SAMD7: variants seen among roughly 807,000 people sequenced by gnomAD.
The protein encoded by SAMD7 is sterile alpha motif domain containing 7, also known as sterile alpha motif domain-containing protein 7.
A neutral mutation model predicts 36.7 loss-of-function variants in SAMD7; 34 were observed. The observed-to-expected ratio is 0.93, with a 90% CI of 0.71 to 1.23. The LOEUF (loss-of-function observed/expected upper bound fraction) is 1.23, where lower values mean the gene tolerates loss of function less well. Ranked by LOEUF, SAMD7 falls within the 50% of genes most tolerant of loss-of-function variation. The pLI is 0.00. For missense variants in SAMD7, 570 were observed against 546.6 expected, an observed-to-expected ratio of 1.04 and a Z score of -0.43; for synonymous variants, 188 against 189.7, an observed-to-expected ratio of 0.99 and a Z score of 0.07.
intron 7 of SAMD7, chr3:169,932,980 T>G (rs1576837993): frequency 1.4e-6 from 1 of 713,430 alleles, no homozygotes; most frequent in South Asian, 1.4e-5. Flanking sequence ...GAAGCATTCT[T>G]TCCCCCCCTC....
At chr3:169,935,392 G>A (rs960108661) in intron 7 of SAMD7, among the ~76,000 whole-genome samples, 2 of 152,172 alleles carry the variant, frequency 1.3e-5, no homozygotes, top group Admixed American at 6.5e-5. Flanking sequence ...TTTAAATGGT[G>A]GAGAGACCTC....
intron 5 of SAMD7, chr3:169,926,196 C>G (rs1216612163): frequency 2.0e-6 from 2 of 1,020,540 alleles, no homozygotes; most frequent in Non-Finnish European, 2.7e-6. Flanking sequence ...TTGAATCTCA[C>G]TAAGATTATT....
chr3:169,936,766 C>T (rs1713733816), intron 8 of SAMD7, among the ~76,000 whole-genome samples: 1 of 152,140 alleles, frequency 6.6e-6, no homozygotes, highest in Non-Finnish European at 1.5e-5. Context: ...CCCACCGTGG[C>T]TGAGAAACTC....
At chr3:169,938,237 C>T in intron 8 of SAMD7, 81 bp from the exon 9 acceptor site, 4 of 877,074 alleles carry the variant, frequency 4.6e-6, no homozygotes, top group Non-Finnish European at 7.2e-6. Context: ...ATTACCTCAG[C>T]CTCTCTGTGA....
chr3:169,917,841 C>T (rs1006335811), intron 2 of SAMD7, among the ~76,000 whole-genome samples: 1 of 152,130 alleles, frequency 6.6e-6, no homozygotes, highest in Admixed American at 6.5e-5. Context: ...CATGGTTTCA[C>T]CATGTTAGCT....
At chr3:169,934,563 G>A (rs536245443) in intron 7 of SAMD7, among the ~76,000 whole-genome samples, 12 of 152,168 alleles carry the variant, frequency 7.9e-5, no homozygotes, top group Admixed American at 1.3e-4. Flanking sequence ...TCCCTCTGCC[G>A]TCCCCCAGAA....
intron 2 of SAMD7, among the ~76,000 whole-genome samples, chr3:169,915,926 A>G (rs1344783355): frequency 6.6e-6 from 1 of 152,096 alleles, no homozygotes; most frequent in African/African-American, 2.4e-5. Flanking sequence ...ATTTGATATA[A>G]AAGAACTGCA....
chr3:169,929,606 G>A (rs1460601238), intron 7 of SAMD7, among the ~76,000 whole-genome samples: 1 of 152,178 alleles, frequency 6.6e-6, no homozygotes. Context: ...TTCTGGTTGT[G>A]TGACCTAGGA....
At chr3:169,917,075 G>A (rs1302334938) in intron 2 of SAMD7, among the ~76,000 whole-genome samples, 3 of 152,210 alleles carry the variant, frequency 2.0e-5, no homozygotes, top group African/African-American at 7.2e-5. Context: ...CAGAAATACA[G>A]TGAAAGTAAA....
At chr3:169,922,903 G>A (rs1576830324) in intron 4 of SAMD7, among the ~76,000 whole-genome samples, 1 of 152,234 alleles carries the variant, frequency 6.6e-6, no homozygotes, top group East Asian at 1.9e-4. Flanking sequence ...GAGCAAGTAA[G>A]ATGAAAACTG....
At chr3:169,929,276 A>G (rs1280810603) in intron 7 of SAMD7, among the ~76,000 whole-genome samples, 1 of 152,128 alleles carries the variant, frequency 6.6e-6, no homozygotes, top group Non-Finnish European at 1.5e-5. Flanking sequence ...TTTTTGAGTT[A>G]TTTAATAATA....
In SAMD7 at chr3:169,938,999, CT is replaced by C. The variant is rs3841530; in HGVS notation, c.*494del. 0.034 allele frequency: 5,135 copies of C among 152,400 alleles called. 102 individuals are homozygous for C. The highest frequency in any genetic ancestry group is 0.055 in the South Asian group (262 of 4,806). The allele number at this position is 152,400 out of a possible 1,614,324, so 9.4% of individuals were successfully genotyped here. A position where few individuals can be genotyped will look rare whatever the true frequency, so the allele number is the denominator to read the frequency against. On this transcript the variant is annotated 3_prime_UTR_variant, in exon 9 of 9. Coordinates refer to ENST00000335556, the MANE Select transcript of SAMD7 (RefSeq NM_001304366.2). The stretch of plus-strand genomic sequence containing the variant: ...ATTTCCAGCGTGAAGCAGGCCCAAG[CT>C]AGGGAAGGTGAGAAGCTTTAACCTT...
At position 169,932,380 on chromosome 3, in the gene SAMD7, A is replaced by G. The variant is rs112535581; in HGVS notation, c.1041+3802A>G. ...GGAACAGAAAGTTGTTTTCGAACCT[A>G]AGTAGTATAGCCGAGACTATGTAGT... On this transcript the variant is annotated intron_variant, in intron 7 of 8. Coordinates refer to ENST00000335556, the MANE Select transcript of SAMD7 (RefSeq NM_001304366.2). The G allele has an allele frequency of 7.5e-3, 4,855 of 650,992 alleles. 187 individuals carry two copies. The African/African-American group carries it at 0.078, about 11-fold the overall frequency. The allele number at this position is 650,992 out of a possible 1,614,324, so 40.3% of individuals were successfully genotyped here.
At chr3:169,927,905 A>G (rs1713340925) in intron 6 of SAMD7, among the ~76,000 whole-genome samples, 1 of 152,254 alleles carries the variant, frequency 6.6e-6, no homozygotes, top group Non-Finnish European at 1.5e-5. Context: ...ATTACCTTTC[A>G]GTGTCCAATA....
intron 7 of SAMD7, among the ~76,000 whole-genome samples, chr3:169,935,438 G>C (rs1054254742): frequency 2.6e-5 from 4 of 152,124 alleles, no homozygotes. Context: ...AGAAAATAAA[G>C]GTTTTTGGTT....
At position 169,926,932 on chromosome 3, in the gene SAMD7, G is replaced by A. The variant is rs1273716005; in HGVS notation, c.670G>A (p.Ala224Thr). Residue 224 changes from alanine to threonine, a missense_variant, in exon 6 of 9, where the codon GCA becomes ACA. Physicochemically the swap from Ala to Thr is moderately conservative, Grantham distance 58. Coordinates refer to ENST00000335556, the MANE Select transcript of SAMD7 (RefSeq NM_001304366.2). ...AGTTCCCTATGAAGAGGATCATTAT[G>A]CAAAAGACCCAGACATTGAAGCACC... Reference protein sequence around the residue: ...HAVPYEEDHYAKDPDIEAPSN... With the variant: ...HAVPYEEDHYTKDPDIEAPSN... The A allele has an allele frequency of 1.2e-6, 2 of 1,613,984 alleles. No homozygotes were observed.
chr3:169,915,873 C>A lies in SAMD7; in HGVS notation c.-42+432C>A, dbSNP rs561093662. On this transcript the variant is annotated intron_variant, in intron 2 of 8. Coordinates refer to ENST00000335556, the MANE Select transcript of SAMD7 (RefSeq NM_001304366.2). ...GATTACAGGCGTGAGCCACCACACC[C>A]AGCCTGAGCCCTATATTTTTAAAAA... 2.1e-3 allele frequency among the ~76,000 whole-genome samples: 317 copies of A among 152,178 alleles called. 2 individuals carry two copies. The highest frequency in any genetic ancestry group is 7.5e-3 in the African/African-American group (310 of 41,516).
intron 1 of SAMD7, among the ~76,000 whole-genome samples, chr3:169,912,964 G>T (rs1476409774): frequency 6.6e-6 from 1 of 152,136 alleles, no homozygotes; most frequent in Admixed American, 6.5e-5. Context: ...GACTACAAAG[G>T]CCTCTGCAAA....
chr3:169,923,957 C>A (rs1713154365), intron 4 of SAMD7, among the ~76,000 whole-genome samples: 1 of 152,164 alleles, frequency 6.6e-6, no homozygotes, highest in Admixed American at 6.5e-5. Flanking sequence ...TTTCTTGAGA[C>A]CAGACCTCAG....
Sources: gnomAD v4.1 joint callset for allele counts (sites outside exome capture counted in the v4.1 genomes callset) on GRCh38, gnomAD v4.1.1 for gene constraint, MANE v1.5 for transcripts, NCBI Gene and HGNC (gene_info 2026-07-23, HGNC 2026-07-21) for gene names.